Variants in GRM7 observed in about 807,000 individuals in gnomAD.
The protein encoded by GRM7 is glutamate metabotropic receptor 7, also known as metabotropic glutamate receptor 7.
A neutral mutation model predicts 84.5 loss-of-function variants in GRM7; 35 were observed. The observed-to-expected ratio is 0.41, with a 90% CI of 0.32 to 0.55. The LOEUF is 0.55. Among genes scored for constraint, GRM7 ranks in the 20% least tolerant of loss-of-function variants. The probability of loss-of-function intolerance (pLI) is 0.19; values close to 1 mark genes in which losing one functional copy is unlikely to be tolerated. For synonymous variants in GRM7, 487 were observed against 455.1 expected, an observed-to-expected ratio of 1.07 and a Z score of -0.89; for missense variants, 1,003 against 1,194.6, an observed-to-expected ratio of 0.84 and a Z score of 2.36.
intron 4 of GRM7, among the ~76,000 whole-genome samples, chr3:7,357,703 C>T (rs984039661): frequency 1.3e-5 from 2 of 152,124 alleles, no homozygotes; most frequent in Admixed American, 1.3e-4. Flanking sequence ...CATCACATTC[C>T]CTGTCCTTTA....
At chr3:7,530,790 TG>T (rs1433958551) in intron 7 of GRM7, among the ~76,000 whole-genome samples, 2 of 151,892 alleles carry the variant, frequency 1.3e-5, no homozygotes. Flanking sequence ...TTGATGGGTC[TG>T]TTTTTTTTTT....
chr3:7,254,012 T>G (rs1468849025), intron 2 of GRM7, among the ~76,000 whole-genome samples: 1 of 152,104 alleles, frequency 6.6e-6, no homozygotes, highest in African/African-American at 2.4e-5. Flanking sequence ...GCTTTCTCCC[T>G]CCAACCCTGG....
At chr3:7,560,183 C>T (rs1289113785) in intron 7 of GRM7, 1 of 151,968 alleles carries the variant, frequency 6.6e-6, no homozygotes, top group Admixed American at 6.6e-5. Flanking sequence ...CATATGACAC[C>T]TAGGTCTTTA....
At chr3:7,387,206 A>G (rs1163134455) in intron 4 of GRM7, among the ~76,000 whole-genome samples, 1 of 152,142 alleles carries the variant, frequency 6.6e-6, no homozygotes, top group African/African-American at 2.4e-5. Flanking sequence ...TTCGATGCAT[A>G]GTTTCCAAAT....
chr3:6,974,293 T>G (rs1029455951), intron 1 of GRM7, among the ~76,000 whole-genome samples: 2 of 151,950 alleles, frequency 1.3e-5, no homozygotes, highest in African/African-American at 4.8e-5. Context: ...AGAAAAAAAA[T>G]TGACATGTTA....
intron 4 of GRM7, among the ~76,000 whole-genome samples, chr3:7,364,553 T>C (rs1469512901): frequency 6.6e-6 from 1 of 151,826 alleles, no homozygotes; most frequent in East Asian, 1.9e-4. Flanking sequence ...TTTAGCTTTT[T>C]ACTCATTTTT....
At chr3:6,908,448 A>T (rs567720010) in intron 1 of GRM7, among the ~76,000 whole-genome samples, 1 of 152,340 alleles carries the variant, frequency 6.6e-6, no homozygotes, top group South Asian at 2.1e-4. Flanking sequence ...CTGAAAGGGC[A>T]GATGTGTTTT....
chr3:7,131,114 G>T (rs746719852), intron 1 of GRM7, among the ~76,000 whole-genome samples: 8 of 151,988 alleles, frequency 5.3e-5, no homozygotes, highest in African/African-American at 1.9e-4. Context: ...AGCTAGGAAG[G>T]ACTGACAAAA....
At chr3:7,003,809 T>C (rs1695091377) in intron 1 of GRM7, among the ~76,000 whole-genome samples, 1 of 152,192 alleles carries the variant, frequency 6.6e-6, no homozygotes, top group Non-Finnish European at 1.5e-5. Flanking sequence ...AACACTTATT[T>C]CATATACTTT....
intron 2 of GRM7, among the ~76,000 whole-genome samples, chr3:7,167,794 C>T (rs998229678): frequency 1.3e-5 from 2 of 151,644 alleles, no homozygotes; most frequent in African/African-American, 4.8e-5. Context: ...ACAGTGAAAC[C>T]CCGTCTCAAC....
chr3:7,522,757 T>C (rs1014159158), intron 7 of GRM7, among the ~76,000 whole-genome samples: 2 of 152,026 alleles, frequency 1.3e-5, no homozygotes, highest in African/African-American at 4.8e-5. Context: ...ATGAACTGAG[T>C]TGTGTCTCTG....
intron 1 of GRM7, among the ~76,000 whole-genome samples, chr3:7,139,710 T>C (rs1182753358): frequency 6.6e-6 from 1 of 151,992 alleles, no homozygotes; most frequent in Non-Finnish European, 1.5e-5. Context: ...TCATAGGTGA[T>C]GAGTCAGCAG....
intron 4 of GRM7, among the ~76,000 whole-genome samples, chr3:7,400,273 C>T (rs1695394570): frequency 6.6e-6 from 1 of 152,138 alleles, no homozygotes; most frequent in African/African-American, 2.4e-5. Flanking sequence ...AAGCTTCATA[C>T]ATGAATACTT....
At chr3:6,934,622 A>G (rs565195195) in intron 1 of GRM7, among the ~76,000 whole-genome samples, 1 of 152,262 alleles carries the variant, frequency 6.6e-6, no homozygotes, top group Admixed American at 6.5e-5. Context: ...ATGCTAGTGG[A>G]GAACAGATAT....
chr3:7,180,468 G>C (rs563444537), intron 2 of GRM7, among the ~76,000 whole-genome samples: 1 of 152,124 alleles, frequency 6.6e-6, no homozygotes, highest in African/African-American at 2.4e-5. Context: ...CTAGGGTGGT[G>C]CTCAGAATGA....
At chr3:7,306,348 A>G (rs1700193744) in intron 3 of GRM7, 150 bp from the exon 4 acceptor site, 1 of 630,016 alleles carries the variant, frequency 1.6e-6, no homozygotes, top group Non-Finnish European at 2.8e-6. Flanking sequence ...ATATCTTTAT[A>G]TATTAGGGAT....
Position 7,462,471 on chromosome 3 carries a change from T to C in GRM7, c.1515+749T>C, listed in dbSNP as rs115286887. On this transcript the variant is annotated intron_variant, in intron 7 of 9. Coordinates refer to ENST00000357716, the MANE Select transcript of GRM7 (RefSeq NM_000844.4). The stretch of plus-strand genomic sequence containing the variant: ...CAGGGCACTGCATGGCAAAGTAGAA[T>C]ATGAGATTAACCATCACAGTCTCTC... Among the ~76,000 whole-genome samples the C allele has an allele frequency of 3.6e-3, 548 of 152,366 alleles. 4 individuals carry two copies. The highest frequency in any genetic ancestry group is 0.011 in the African/African-American group (472 of 41,588).
At chr3:7,420,336 C>T (rs907857922) in intron 5 of GRM7, among the ~76,000 whole-genome samples, 3 of 152,060 alleles carry the variant, frequency 2.0e-5, no homozygotes, top group Non-Finnish European at 2.9e-5. Flanking sequence ...CTTTAATTGT[C>T]ACAAAGATGT....
At chr3:7,301,936 T>A (rs1700016655) in intron 3 of GRM7, among the ~76,000 whole-genome samples, 1 of 152,308 alleles carries the variant, frequency 6.6e-6, no homozygotes, top group Non-Finnish European at 1.5e-5. Flanking sequence ...GACATTAATA[T>A]CTAGATTTTA....
Sources: allele counts gnomAD v4.1 joint callset (sites outside exome capture counted in the v4.1 genomes callset), GRCh38; gene constraint gnomAD v4.1.1; transcripts MANE v1.5; gene names NCBI Gene and HGNC (gene_info 2026-07-23, HGNC 2026-07-21).